FBXL17: variants seen among roughly 807,000 people sequenced by gnomAD.
FBXL17 encodes the protein F-box/LRR-repeat protein 17.
In FBXL17, 22 loss-of-function variants were observed where a neutral mutation model predicts 66.2. The observed-to-expected ratio is 0.33, with a 90% CI of 0.24 to 0.47. The LOEUF (loss-of-function observed/expected upper bound fraction) is 0.47, where lower values mean the gene tolerates loss of function less well. Ranked by LOEUF, FBXL17 falls within the 20% of genes least tolerant of loss-of-function variation. FBXL17 has a pLI of 1.00. For synonymous variants in FBXL17, 474 were observed against 400.5 expected (o/e 1.18, Z -2.19); for missense variants, 878 against 948.2 (o/e 0.93, Z 0.97).
intron 4 of FBXL17, among the ~76,000 whole-genome samples, chr5:108,251,731 T>C (rs188825064): frequency 5.7e-4 from 87 of 152,186 alleles, no homozygotes; most frequent in African/African-American, 2.0e-3. Context: ...CCACATTATA[T>C]AAACTCTTCG....
chr5:108,227,372 A>G (rs1310837472), intron 4 of FBXL17, among the ~76,000 whole-genome samples: 1 of 152,196 alleles, frequency 6.6e-6, no homozygotes, highest in Non-Finnish European at 1.5e-5. Context: ...TTACAAAATT[A>G]TCTTCTTGTA....
chr5:108,192,944 T>C (rs1414430066), intron 5 of FBXL17, among the ~76,000 whole-genome samples: 1 of 152,200 alleles, frequency 6.6e-6, no homozygotes. Context: ...CACATTACCT[T>C]AGCAAAGGCA....
intron 6 of FBXL17, among the ~76,000 whole-genome samples, chr5:108,059,115 T>A (rs1258619818): frequency 2.0e-5 from 3 of 152,188 alleles, no homozygotes; most frequent in African/African-American, 7.2e-5. Context: ...ATAAGACCTA[T>A]TAATATTCCA....
At chr5:108,074,210 A>G (rs1748455627) in intron 6 of FBXL17, among the ~76,000 whole-genome samples, 1 of 152,080 alleles carries the variant, frequency 6.6e-6, no homozygotes, top group African/African-American at 2.4e-5. Flanking sequence ...ATTTTGGGGT[A>G]CCCATTTAAC....
chr5:107,885,057 G>A (rs941607768), intron 7 of FBXL17, among the ~76,000 whole-genome samples: 1 of 152,064 alleles, frequency 6.6e-6, no homozygotes, highest in Non-Finnish European at 1.5e-5. Flanking sequence ...TCTGTACCTG[G>A]GCTGATAGGG....
At chr5:108,367,436 A>C (rs1162123260) in intron 2 of FBXL17, among the ~76,000 whole-genome samples, 1 of 152,156 alleles carries the variant, frequency 6.6e-6, no homozygotes, top group Non-Finnish European at 1.5e-5. Context: ...GGGTGGATCA[A>C]ATGAACTAGT....
intron 8 of FBXL17, among the ~76,000 whole-genome samples, chr5:107,865,917 T>C (rs1748257389): frequency 6.6e-6 from 1 of 152,218 alleles, no homozygotes; most frequent in African/African-American, 2.4e-5. Context: ...CCATAGAGGA[T>C]TCAGCGTAAG....
intron 5 of FBXL17, among the ~76,000 whole-genome samples, chr5:108,202,182 AG>A (rs543320992): frequency 1.3e-5 from 2 of 152,316 alleles, no homozygotes; most frequent in South Asian, 4.1e-4. Flanking sequence ...GATGCCACAA[AG>A]AAACTTATCG....
At chr5:107,921,761 C>T (rs1306382997) in intron 7 of FBXL17, among the ~76,000 whole-genome samples, 1 of 152,218 alleles carries the variant, frequency 6.6e-6, no homozygotes, top group Non-Finnish European at 1.5e-5. Context: ...CTGCTCCTCC[C>T]TCTGTCTAGA....
At chr5:108,132,046 G>C (rs139789819) in intron 6 of FBXL17, among the ~76,000 whole-genome samples, 1 of 151,090 alleles carries the variant, frequency 6.6e-6, no homozygotes. Context: ...GCATGATCTC[G>C]GTTCATCGCA....
intron 6 of FBXL17, among the ~76,000 whole-genome samples, chr5:108,077,623 A>G (rs547443624): frequency 1.1e-3 from 165 of 151,516 alleles, no homozygotes; most frequent in African/African-American, 3.8e-3. Context: ...TGTTCATACC[A>G]CTGCACTCCA....
At chr5:107,912,129 G>A (rs1749968386) in intron 7 of FBXL17, among the ~76,000 whole-genome samples, 1 of 152,066 alleles carries the variant, frequency 6.6e-6, no homozygotes. Flanking sequence ...AACTGAAAAT[G>A]AATACAGCTC....
At chr5:108,355,467 G>C (rs1375041047) in intron 3 of FBXL17, among the ~76,000 whole-genome samples, 1 of 151,922 alleles carries the variant, frequency 6.6e-6, no homozygotes, top group Non-Finnish European at 1.5e-5. Flanking sequence ...ATTTTTAGTA[G>C]AGACGGGGTT....
At chr5:107,965,941 T>C (rs1038596204) in intron 7 of FBXL17, among the ~76,000 whole-genome samples, 11 of 152,040 alleles carry the variant, frequency 7.2e-5, no homozygotes, top group Non-Finnish European at 1.5e-4. Context: ...ATCAAGAGTC[T>C]AGTGACAGTT....
intron 7 of FBXL17, among the ~76,000 whole-genome samples, chr5:107,985,100 A>G (rs1392649668): frequency 2.0e-5 from 3 of 152,236 alleles, no homozygotes; most frequent in African/African-American, 7.2e-5. Flanking sequence ...AGTTTAAACC[A>G]AAAGTGACAA....
Position 107,995,880 on chromosome 5 carries a change from T to C in FBXL17, c.1822+25045A>G, listed in dbSNP as rs146501431. ...TTTGAAAAATGGAAAAATACAGTCATGGAAAAATGAGACAATGAAGCAGCC... is the reference window on the plus strand; with the variant it reads ...TTTGAAAAATGGAAAAATACAGTCACGGAAAAATGAGACAATGAAGCAGCC... On this transcript the variant is annotated intron_variant, in intron 7 of 8. Coordinates refer to ENST00000542267, the MANE Select transcript of FBXL17 (RefSeq NM_001163315.3). Among the ~76,000 whole-genome samples the C allele has an allele frequency of 3.8e-3, 585 of 152,226 alleles. 5 individuals are homozygous for C. Among genetic ancestry groups the C allele is most frequent in the African/African-American group, 0.013 (554 of 41,536 alleles).
intron 6 of FBXL17, among the ~76,000 whole-genome samples, chr5:108,073,992 T>C (rs971511426): frequency 6.6e-6 from 1 of 152,180 alleles, no homozygotes; most frequent in African/African-American, 2.4e-5. Context: ...ACTAACACAC[T>C]GGCCAAGGCT....
At chr5:108,027,073 C>A (rs1754853659) in intron 6 of FBXL17, among the ~76,000 whole-genome samples, 1 of 152,074 alleles carries the variant, frequency 6.6e-6, no homozygotes, top group African/African-American at 2.4e-5. Context: ...AAGTAATATA[C>A]CAACAAAATA....
rs1182877374 is a variant in FBXL17 at position 108,009,292 on chromosome 5, T to TAGATAG, written c.1822+11632_1822+11633insCTATCT. Among the ~76,000 whole-genome samples, 4 of 35,932 alleles carry TAGATAG rather than the reference T, an allele frequency of 1.1e-4. 1 individual carries two copies. Among genetic ancestry groups the TAGATAG allele is most frequent in the Admixed American group, 3.0e-4 (1 of 3,292 alleles). 23.6% of individuals were successfully genotyped at this position (35,932 alleles called of 152,430 possible). On this transcript the variant is annotated intron_variant, in intron 7 of 8. Transcript: ENST00000542267. ...ATATATATATATATATATATATATA[T>TAGATAG]ATATATATACATATATACATACACA...
Sources: gnomAD v4.1 joint callset for allele counts (sites outside exome capture counted in the v4.1 genomes callset) on GRCh38, gnomAD v4.1.1 for gene constraint, MANE v1.5 for transcripts, NCBI Gene and HGNC (gene_info 2026-07-23, HGNC 2026-07-21) for gene names.